The following TAAR1 variants were observed in gnomAD, a reference collection of about 807,000 sequenced individuals.
TAAR1 encodes trace amine-associated receptor 1.
TAAR1 carries 1 observed loss-of-function variant against 1.2 expected under a neutral mutation model. The ratio of observed to expected loss-of-function variants is 0.81; its 90% CI spans 0.29 to 3.86. The LOEUF (loss-of-function observed/expected upper bound fraction) is 3.86. Among genes scored for constraint, TAAR1 ranks in the 30% most tolerant of loss-of-function variants. The probability of loss-of-function intolerance (pLI) is 0.18; values close to 1 mark genes in which losing one functional copy is unlikely to be tolerated. For missense variants in TAAR1, 445 were observed against 405.6 expected (o/e 1.10, Z -0.83); for synonymous variants, 153 against 132.2 (o/e 1.16, Z -1.08).
At chr6:132,650,090 G>A (rs906890628) in intron 1 of TAAR1, among the ~76,000 whole-genome samples, 4 of 152,020 alleles carry the variant, frequency 2.6e-5, no homozygotes, top group Admixed American at 2.0e-4. Flanking sequence ...TCATATCCCC[G>A]GATGTCATTA....
rs762021714 is a variant in TAAR1, at chr6:132,645,435, G to C, written c.569C>G (p.Ser190Cys). The C allele has an allele frequency of 3.1e-6, 5 of 1,613,696 alleles. No homozygotes were observed. The highest frequency in any genetic ancestry group is 1.1e-5 in the South Asian group (1 of 91,066). The change falls in exon 2 of 2, where the codon TCT (serine) becomes TGT (cysteine). Residue 190 changes from serine (S) to cysteine (C), a missense_variant. By Grantham distance (112) the Ser-to-Cys change is moderately radical (BLOSUM62 -1). Coordinates refer to ENST00000275216, the MANE Select transcript of TAAR1 (RefSeq NM_138327.4). ...AGAAGTCATAAAGGTCAGTACCCCA[G>C]ATATTTTGCTAAAGAAGACAGAGCA... ...GGCSVFFSKI[S>C]GVLTFMTSFY...
chr6:132,652,701 T>C (rs914080272), intron 1 of TAAR1, among the ~76,000 whole-genome samples: 8 of 149,792 alleles, frequency 5.3e-5, no homozygotes, highest in African/African-American at 4.9e-5. Context: ...TGAAGCTATA[T>C]ATTTCACAAC....
At chr6:132,653,477 T>C (rs1777769134) in intron 1 of TAAR1, among the ~76,000 whole-genome samples, 1 of 152,364 alleles carries the variant, frequency 6.6e-6, no homozygotes, top group East Asian at 1.9e-4. Flanking sequence ...ATTCTTTGTG[T>C]GTGTCTGTTT....
chr6:132,657,968 T>C (rs777156074), intron 1 of TAAR1, among the ~76,000 whole-genome samples: 2 of 151,426 alleles, frequency 1.3e-5, no homozygotes, highest in Non-Finnish European at 2.9e-5. Context: ...TAAATTTGTA[T>C]TATTTGTTTC....
At chr6:132,647,529 G>A (rs1015457532) in intron 1 of TAAR1, among the ~76,000 whole-genome samples, 2 of 141,890 alleles carry the variant, frequency 1.4e-5, no homozygotes, top group Non-Finnish European at 3.0e-5. Context: ...AAGGAGAGGA[G>A]GAGGGAAGGA....
chr6:132,645,616 T>C lies in TAAR1; in HGVS notation c.388A>G (p.Arg130Gly), dbSNP rs1305314212. ...AAGATATTCATCTTGGCTTTATATC[T>C]CAGTGGATCACACACAGCATAGTAG... ...DRYYAVCDPL[R>G]YKAKMNILVI... is the part of the protein sequence containing the mutation. The change falls in exon 2 of 2, where the codon AGA becomes GGA. Residue 130 changes from arginine to glycine, a missense_variant. Transcript: ENST00000275216. 1 of 1,613,508 alleles carries C rather than the reference T, an allele frequency of 6.2e-7. No homozygotes were observed. The highest frequency in any genetic ancestry group is 8.5e-7 in the Non-Finnish European group (1 of 1,179,826).
chr6:132,657,276 A>T (rs2114291331), intron 1 of TAAR1, among the ~76,000 whole-genome samples: 1 of 152,184 alleles, frequency 6.6e-6, no homozygotes, highest in Non-Finnish European at 1.5e-5. Context: ...ATTTTTTTAA[A>T]ATTTAAAATG....
intron 1 of TAAR1, among the ~76,000 whole-genome samples, chr6:132,649,659 T>C (rs2114279738): frequency 6.6e-6 from 1 of 152,196 alleles, no homozygotes; most frequent in Middle Eastern, 3.4e-3. Context: ...CAAGGAGAAG[T>C]GCAGAGTGAA....
Position 132,643,384 on chromosome 6 carries a change from T to C in TAAR1, c.*1600A>G, listed in dbSNP as rs574992712. Among the ~76,000 whole-genome samples the C allele has an allele frequency of 6.6e-6, 1 of 151,930 alleles. No individual in the cohort carries two copies. The highest frequency in any genetic ancestry group is 6.6e-5 in the Admixed American group (1 of 15,216). On this transcript the variant is annotated 3_prime_UTR_variant, in exon 2 of 2. Transcript: ENST00000275216. ...TCACAGGTGAAAAAAGTCAAACTGGTCTCACAGGTGAAAAAAACTCTTTTG... is the reference window on the plus strand; with the variant it reads ...TCACAGGTGAAAAAAGTCAAACTGGCCTCACAGGTGAAAAAAACTCTTTTG...
chr6:132,656,016 C>A (rs189890765), intron 1 of TAAR1, among the ~76,000 whole-genome samples: 1 of 152,026 alleles, frequency 6.6e-6, no homozygotes, highest in Non-Finnish European at 1.5e-5. Context: ...GAACGCTTTG[C>A]CCTTGTGAGG....
chr6:132,655,201 G>T (rs1777791241), intron 1 of TAAR1, among the ~76,000 whole-genome samples: 1 of 152,100 alleles, frequency 6.6e-6, no homozygotes, highest in South Asian at 2.1e-4. Context: ...TTAAAAATTA[G>T]AGTACAGATA....
rs1489674317 is a variant in TAAR1, at chr6:132,644,259, C to T, written c.*725G>A. On this transcript the variant is annotated 3_prime_UTR_variant, in exon 2 of 2. Transcript: ENST00000275216. The stretch of plus-strand genomic sequence containing the variant: ...TATTTAGTTAATATGTGCACATATG[C>T]CCCGACTCCAAAATAAAAGTTGAAA... Among the ~76,000 whole-genome samples the T allele has an allele frequency of 1.3e-5, 2 of 151,600 alleles. No homozygotes were observed. The highest frequency in any genetic ancestry group is 1.9e-4 in the East Asian group (1 of 5,182).
chr6:132,651,450 C>T (rs1453318452), intron 1 of TAAR1, among the ~76,000 whole-genome samples: 10 of 152,182 alleles, frequency 6.6e-5, no homozygotes, highest in African/African-American at 2.4e-4. Context: ...CCTAGCTTCT[C>T]CTTCTGCTCT....
chr6:132,648,232 A>G (rs180777159), intron 1 of TAAR1, among the ~76,000 whole-genome samples: 2 of 152,060 alleles, frequency 1.3e-5, no homozygotes, highest in Admixed American at 6.5e-5. Flanking sequence ...TCTTTCTTTT[A>G]CTTATTTGTT....
chr6:132,648,976 T>C (rs1387541931), intron 1 of TAAR1, among the ~76,000 whole-genome samples: 3 of 152,220 alleles, frequency 2.0e-5, no homozygotes, highest in African/African-American at 7.2e-5. Context: ...ATAGAACTTA[T>C]AGTTTAAAAT....
chr6:132,657,416 T>C (rs1777816597), intron 1 of TAAR1, among the ~76,000 whole-genome samples: 1 of 151,944 alleles, frequency 6.6e-6, no homozygotes. Flanking sequence ...AGACATATGA[T>C]ATGTATTTAA....
intron 1 of TAAR1, among the ~76,000 whole-genome samples, chr6:132,648,111 A>C (rs972439077): frequency 6.6e-6 from 1 of 152,208 alleles, no homozygotes; most frequent in Admixed American, 6.5e-5. Flanking sequence ...TCATTAAAAC[A>C]ATGATGGATT....
intron 1 of TAAR1, among the ~76,000 whole-genome samples, chr6:132,647,212 C>A (rs1312934359): frequency 6.6e-6 from 1 of 151,994 alleles, no homozygotes; most frequent in Non-Finnish European, 1.5e-5. Flanking sequence ...TATGAGTAGG[C>A]ATCTTCTACT....
chr6:132,651,139 G>A (rs575771754), intron 1 of TAAR1, among the ~76,000 whole-genome samples: 2 of 151,960 alleles, frequency 1.3e-5, no homozygotes, highest in African/African-American at 2.4e-5. Flanking sequence ...TTCTTCCCTC[G>A]GCTCCTGGGT....
Sources: gnomAD v4.1 joint callset for allele counts (sites outside exome capture counted in the v4.1 genomes callset) on GRCh38, gnomAD v4.1.1 for gene constraint, MANE v1.5 for transcripts, NCBI Gene and HGNC (gene_info 2026-07-23, HGNC 2026-07-21) for gene names.